The following PRKCA variants were observed in gnomAD, a reference collection of about 807,000 sequenced individuals.
PRKCA encodes the protein protein kinase C alpha.
Under a neutral mutation model 87.0 loss-of-function variants are expected in PRKCA, and 27 were observed. The ratio of observed to expected loss-of-function variants is 0.31; its 90% CI spans 0.23 to 0.43. PRKCA has a LOEUF of 0.43. PRKCA is among the 20% of genes least tolerant of loss of function. The pLI is 1.00. For synonymous variants in PRKCA, 329 were observed against 311.1 expected (o/e 1.06, Z -0.61); for missense variants, 518 against 852.3 (o/e 0.61, Z 4.88).
chr17:66,765,436 A>ATG (rs1568020983), intron 13 of PRKCA, among the ~76,000 whole-genome samples: 1 of 109,396 alleles, frequency 9.1e-6, no homozygotes, highest in Non-Finnish European at 1.9e-5. Context: ...ATATATATAT[A>ATG]TATATATATA....
At chr17:66,713,612 C>T (rs1973395629) in intron 8 of PRKCA, among the ~76,000 whole-genome samples, 1 of 152,212 alleles carries the variant, frequency 6.6e-6, no homozygotes, top group Non-Finnish European at 1.5e-5. Flanking sequence ...AAACAGGCTA[C>T]TCTACCTGAG....
intron 3 of PRKCA, among the ~76,000 whole-genome samples, chr17:66,622,421 T>G (rs1970713010): frequency 6.6e-6 from 1 of 152,230 alleles, no homozygotes; most frequent in Non-Finnish European, 1.5e-5. Flanking sequence ...GATGGCTCAC[T>G]TCTTTTCATC....
chr17:66,751,942 G>A (rs1047931726), intron 13 of PRKCA, among the ~76,000 whole-genome samples: 3 of 152,222 alleles, frequency 2.0e-5, no homozygotes, highest in Admixed American at 1.3e-4. Context: ...AGCACTAGGC[G>A]GATGATGCTA....
chr17:66,785,787 A>G (rs1975369116), intron 14 of PRKCA, among the ~76,000 whole-genome samples: 1 of 152,194 alleles, frequency 6.6e-6, no homozygotes, highest in African/African-American at 2.4e-5. Flanking sequence ...AATACAAGGC[A>G]CTTTACTCCC....
At position 66,646,142 on chromosome 17, in the gene PRKCA, G is replaced by A. The variant is rs61762406; in HGVS notation, c.529+631G>A. On this transcript the variant is annotated intron_variant, in intron 5 of 16. Coordinates refer to ENST00000413366, the MANE Select transcript of PRKCA (RefSeq NM_002737.3). ...AGCTGGGATAGGAATGGAGGCATTT[G>A]ACTCCAGATACTGTGCTTATAATTA... Among the ~76,000 whole-genome samples the A allele has an allele frequency of 5.1e-3, 783 of 152,272 alleles. 11 individuals are homozygous for A. Among genetic ancestry groups the A allele is most frequent in the African/African-American group, 0.016 (674 of 41,554 alleles).
chr17:66,759,993 C>T lies in PRKCA; in HGVS notation c.1525-13994C>T, dbSNP rs188038919. 1.8e-3 allele frequency among the ~76,000 whole-genome samples: 276 copies of T among 152,326 alleles called. 1 individual carries two copies. Among genetic ancestry groups the T allele is most frequent in the African/African-American group, 6.5e-3 (269 of 41,582 alleles). On this transcript the variant is annotated intron_variant, in intron 13 of 16. Coordinates refer to ENST00000413366, the MANE Select transcript of PRKCA (RefSeq NM_002737.3). Reference sequence around the variant, plus strand: ...ACTATTTTATTTGAAGGCTTCAGTGCCCCTCTATCAGAAATAGACATATCC... The same window carrying T: ...ACTATTTTATTTGAAGGCTTCAGTGTCCCTCTATCAGAAATAGACATATCC...
intron 2 of PRKCA, among the ~76,000 whole-genome samples, chr17:66,346,415 T>TAAA (rs113963716): frequency 6.8e-6 from 1 of 147,454 alleles, no homozygotes; most frequent in Admixed American, 6.8e-5. Flanking sequence ...TTTTTTAAAT[T>TAAA]AAAAAAAAAA....
chr17:66,303,971 G>A (rs1904658412), intron 1 of PRKCA, among the ~76,000 whole-genome samples: 1 of 152,212 alleles, frequency 6.6e-6, no homozygotes. Flanking sequence ...CTGCACTCCA[G>A]CCTGGGTGAG....
At chr17:66,363,040 G>C (rs369117290) in intron 2 of PRKCA, among the ~76,000 whole-genome samples, 40 of 152,168 alleles carry the variant, frequency 2.6e-4, no homozygotes, top group Non-Finnish European at 5.7e-4. Flanking sequence ...TGTCAGAATA[G>C]CATCCTAGAG....
At position 66,687,152 on chromosome 17, in the gene PRKCA, C is replaced by A; in HGVS notation, c.571C>A (p.Leu191Ile). 6.2e-7 allele frequency: 1 copy of A among 1,613,624 alleles called. No individual in the cohort carries two copies. Among genetic ancestry groups the A allele is most frequent in the Non-Finnish European group, 8.5e-7 (1 of 1,179,564 alleles). ...KNLIPMDPNG[L>I]SDPYVKLKLI... ...TCTAATCCCTATGGATCCAAACGGG[C>A]TTTCAGATCCTTATGTGAAGCTGAA... is the stretch of plus-strand genomic sequence containing the variant. Residue 191 changes from leucine (L) to isoleucine (I), a missense_variant, in exon 6 of 17, where the codon CTT becomes ATT. Leu to Ile is a conservative substitution (Grantham distance 5, BLOSUM62 2). Coordinates refer to ENST00000413366, the MANE Select transcript of PRKCA (RefSeq NM_002737.3).
At chr17:66,327,651 AT>A (rs979458858) in intron 2 of PRKCA, among the ~76,000 whole-genome samples, 10 of 152,066 alleles carry the variant, frequency 6.6e-5, no homozygotes, top group African/African-American at 1.9e-4. Flanking sequence ...CATGACTTAC[AT>A]TTTTTTATTT....
chr17:66,572,787 G>T (rs752561042), intron 3 of PRKCA, among the ~76,000 whole-genome samples: 32 of 152,080 alleles, frequency 2.1e-4, no homozygotes, highest in Non-Finnish European at 2.5e-4. Flanking sequence ...ACCCCACCTG[G>T]CCCTGAGGCT....
chr17:66,539,683 G>A (rs1372422275), intron 3 of PRKCA, among the ~76,000 whole-genome samples: 4 of 152,164 alleles, frequency 2.6e-5, no homozygotes, highest in Non-Finnish European at 4.4e-5. Flanking sequence ...GATTACAGGC[G>A]TAAGCACCGC....
At position 66,337,036 on chromosome 17, in the gene PRKCA, C is replaced by T. The variant is rs1444774562; in HGVS notation, c.205+30909C>T. 2.0e-5 allele frequency among the ~76,000 whole-genome samples: 3 copies of T among 152,114 alleles called. No homozygotes were observed. The East Asian group carries it at 5.8e-4, about 29-fold the overall frequency. ...GAACTCCTGACCTTAGGTGATCCGC[C>T]CTCCTCGGCCTCCCAAAGTGCTGGG... On this transcript the variant is annotated intron_variant, in intron 2 of 16. Coordinates refer to ENST00000413366, the MANE Select transcript of PRKCA (RefSeq NM_002737.3).
chr17:66,473,971 G>C (rs57178647), intron 2 of PRKCA, among the ~76,000 whole-genome samples: 1 of 151,962 alleles, frequency 6.6e-6, no homozygotes, highest in African/African-American at 2.4e-5. Flanking sequence ...AAGCCAGACC[G>C]TCAGGATTCA....
intron 3 of PRKCA, among the ~76,000 whole-genome samples, chr17:66,582,333 A>G (rs1236666753): frequency 6.6e-6 from 1 of 152,068 alleles, no homozygotes; most frequent in African/African-American, 2.4e-5. Flanking sequence ...TGGATTTGGG[A>G]TTTGATATAG....
chr17:66,419,225 C>T (rs1567819301), intron 2 of PRKCA, among the ~76,000 whole-genome samples: 1 of 152,170 alleles, frequency 6.6e-6, no homozygotes, highest in African/African-American at 2.4e-5. Flanking sequence ...ACACTGATGT[C>T]ACCTCTTTCT....
At chr17:66,325,197 A>G (rs1905905465) in intron 2 of PRKCA, among the ~76,000 whole-genome samples, 1 of 152,288 alleles carries the variant, frequency 6.6e-6, no homozygotes, top group Non-Finnish European at 1.5e-5. Flanking sequence ...GCCTTAGGCC[A>G]GAATTGAGTT....
chr17:66,316,275 C>A (rs548170814), intron 2 of PRKCA, among the ~76,000 whole-genome samples: 2 of 152,288 alleles, frequency 1.3e-5, no homozygotes, highest in Non-Finnish European at 2.9e-5. Flanking sequence ...CATACTGATT[C>A]TTTATTAAAT....
Sources: allele counts gnomAD v4.1 joint callset (sites outside exome capture counted in the v4.1 genomes callset), GRCh38; gene constraint gnomAD v4.1.1; transcripts MANE v1.5; gene names NCBI Gene and HGNC (gene_info 2026-07-23, HGNC 2026-07-21).